The following PDE10A variants were observed in gnomAD, a reference collection of about 807,000 sequenced individuals.
The protein encoded by PDE10A is cAMP and cAMP-inhibited cGMP 3',5'-cyclic phosphodiesterase 10A.
A neutral mutation model predicts 97.7 loss-of-function variants in PDE10A; 39 were observed. That is an observed-to-expected ratio of 0.40 (90% CI 0.31 to 0.52). PDE10A has a LOEUF of 0.52. PDE10A is among the 20% of genes least tolerant of loss of function. The pLI is 0.56. For synonymous variants in PDE10A, 371 were observed against 376.8 expected (o/e 0.98, Z 0.18); for missense variants, 731 against 1,047.8 (o/e 0.70, Z 4.17).
At chr6:165,961,165 C>CT (rs1374395649) in intron 1 of PDE10A, among the ~76,000 whole-genome samples, 3 of 152,092 alleles carry the variant, frequency 2.0e-5, no homozygotes, top group Non-Finnish European at 4.4e-5. Flanking sequence ...TTGCTGAGAG[C>CT]CCTAAAGCTT....
intron 1 of PDE10A, among the ~76,000 whole-genome samples, chr6:165,693,579 T>C (rs1426588296): frequency 8.0e-6 from 1 of 125,302 alleles, no homozygotes; most frequent in African/African-American, 2.9e-5. Context: ...TTAAAAAATA[T>C]AAATAGCAGA....
intron 1 of PDE10A, among the ~76,000 whole-genome samples, chr6:165,608,952 T>C (rs1787360142): frequency 6.6e-6 from 1 of 152,186 alleles, no homozygotes; most frequent in Non-Finnish European, 1.5e-5. Flanking sequence ...CACTTTGTGA[T>C]GGGGTTGTTT....
intron 17 of PDE10A, among the ~76,000 whole-genome samples, chr6:165,385,474 A>G (rs9457084): frequency 0.35 from 53,026 of 151,980 alleles, 10,864 homozygotes; most frequent in African/African-American, 0.56. Context: ...GAAGAACAAC[A>G]TAAGGGCAGA....
At chr6:165,352,533 G>T (rs1426606870) in intron 18 of PDE10A, among the ~76,000 whole-genome samples, 3 of 151,696 alleles carry the variant, frequency 2.0e-5, no homozygotes, top group African/African-American at 7.3e-5. Context: ...TCCATTAAAA[G>T]TATAAAACCA....
Position 165,961,281 on chromosome 6 carries a change from T to A in PDE10A, c.-615+26248A>T, listed in dbSNP as rs368587498. 2.0e-5 allele frequency among the ~76,000 whole-genome samples: 3 copies of A among 152,322 alleles called. No individual in the cohort carries two copies. The East Asian group carries it at 5.8e-4, about 29-fold the overall frequency. ...CATAGCATGATGGCCTTGCTTCAAGTCCTCGTGCTGAGATCACAAGCCGGG... is the reference window on the plus strand; with the variant it reads ...CATAGCATGATGGCCTTGCTTCAAGACCTCGTGCTGAGATCACAAGCCGGG... On this transcript the variant is annotated intron_variant, in intron 1 of 19. Transcript: ENST00000366882.
At chr6:165,373,086 G>A (rs575110783) in intron 18 of PDE10A, among the ~76,000 whole-genome samples, 2 of 150,288 alleles carry the variant, frequency 1.3e-5, no homozygotes, top group Admixed American at 1.3e-4. Flanking sequence ...ATTCAAGATG[G>A]ATTAAAGACT....
In PDE10A at chr6:165,962,942, C is replaced by T. The variant is rs117097615; in HGVS notation, c.-615+24587G>A. Among the ~76,000 whole-genome samples, 616 of 152,294 alleles carry T rather than the reference C, an allele frequency of 4.0e-3. 3 individuals carry two copies. Among genetic ancestry groups the T allele is most frequent in the Non-Finnish European group, 7.3e-3 (497 of 68,030 alleles). On this transcript the variant is annotated intron_variant, in intron 1 of 19. Coordinates refer to the PDE10A transcript ENST00000366882. ...TGAACCTAGTTATTTTATGAGTTAA[C>T]GTATGAAGCAAGCATGCATACGTGA...
intron 1 of PDE10A, among the ~76,000 whole-genome samples, chr6:165,544,726 A>G (rs1392014897): frequency 6.6e-6 from 1 of 152,114 alleles, no homozygotes; most frequent in Non-Finnish European, 1.5e-5. Flanking sequence ...GCTGGGAACT[A>G]AAGTCACAAC....
chr6:165,740,619 C>T (rs1397870758), intron 1 of PDE10A, among the ~76,000 whole-genome samples: 1 of 152,128 alleles, frequency 6.6e-6, no homozygotes, highest in Non-Finnish European at 1.5e-5. Context: ...AAGTGTGAGC[C>T]ACCACTCCTG....
chr6:165,841,876 G>GAATA (rs1780271287), intron 1 of PDE10A, among the ~76,000 whole-genome samples: 1 of 152,208 alleles, frequency 6.6e-6, no homozygotes. Flanking sequence ...TCTCAACTAT[G>GAATA]AATATGACGT....
At chr6:165,465,418 C>T (rs1463567670) in intron 3 of PDE10A, among the ~76,000 whole-genome samples, 1 of 152,202 alleles carries the variant, frequency 6.6e-6, no homozygotes, top group Non-Finnish European at 1.5e-5. Flanking sequence ...AGAGAAAAAG[C>T]AGCCACCTTC....
At position 165,388,752 on chromosome 6, in the gene PDE10A, T is replaced by A. The variant is rs220801; in HGVS notation, c.2455-299A>T. On this transcript the variant is annotated intron_variant, in intron 16 of 21. Transcript: ENST00000539869. This position sits in a 1 kb window ranked among gnomAD's most constrained non-coding sequence, Gnocchi z 4.0. Reference sequence around the variant, plus strand: ...TGCAGGAGGTATCAACTTAAAGGTATAAAGCAAATGTTCCAAAAAAGTACA... The same window carrying A: ...TGCAGGAGGTATCAACTTAAAGGTAAAAAGCAAATGTTCCAAAAAAGTACA... Among the ~76,000 whole-genome samples the A allele has an allele frequency of 1.3e-3, 195 of 152,218 alleles. No homozygotes were observed. Among genetic ancestry groups the A allele is most frequent in the Non-Finnish European group, 2.4e-3 (161 of 68,026 alleles).
chr6:165,860,345 C>T (rs942308714), intron 1 of PDE10A, among the ~76,000 whole-genome samples: 2 of 152,094 alleles, frequency 1.3e-5, no homozygotes, highest in African/African-American at 4.8e-5. Flanking sequence ...CCCAGCTACT[C>T]GGGAGGCTGA....
rs570131696 is a variant in PDE10A at position 165,799,949 on chromosome 6, G to A, written c.-615+187580C>T. On this transcript the variant is annotated intron_variant, in intron 1 of 19. Coordinates refer to the PDE10A transcript ENST00000366882. ...TAGTGTGGGCCTGCAGCTCCCCTGG[G>A]ACGTCTGTCAGGCAATTCCTGTTTT... Among the ~76,000 whole-genome samples the A allele has an allele frequency of 9.9e-5, 15 of 152,280 alleles. No homozygotes were observed. The East Asian group carries it at 2.7e-3, about 27-fold the overall frequency.
intron 2 of PDE10A, among the ~76,000 whole-genome samples, chr6:165,512,933 T>G (rs1453148077): frequency 6.6e-6 from 1 of 152,038 alleles, no homozygotes; most frequent in Non-Finnish European, 1.5e-5. Flanking sequence ...TTAAGCATCC[T>G]TTATTGGCCA....
intron 20 of PDE10A, among the ~76,000 whole-genome samples, chr6:165,336,612 G>T (rs774479482): frequency 6.4e-5 from 6 of 93,994 alleles, no homozygotes; most frequent in African/African-American, 2.7e-4. Context: ...AGCTGGGCGC[G>T]GTGGCAGGCG....
intron 13 of PDE10A, among the ~76,000 whole-genome samples, chr6:165,406,436 A>C (rs1316874792): frequency 6.6e-6 from 1 of 152,190 alleles, no homozygotes; most frequent in Admixed American, 6.5e-5. Flanking sequence ...AATTTAATTT[A>C]CATAATTCTC....
intron 1 of PDE10A, among the ~76,000 whole-genome samples, chr6:165,943,199 GA>G (rs1783602874): frequency 1.3e-4 from 6 of 47,874 alleles, no homozygotes; most frequent in African/African-American, 3.3e-4. Context: ...AAGAAAGAAA[GA>G]AAGAAAGAAA....
chr6:165,769,631 G>A (rs1391423835), intron 1 of PDE10A, among the ~76,000 whole-genome samples: 1 of 152,134 alleles, frequency 6.6e-6, no homozygotes, highest in Non-Finnish European at 1.5e-5. Context: ...TTTCTACCCT[G>A]TGAAAATCTT....
Sources: allele counts gnomAD v4.1 joint callset (sites outside exome capture counted in the v4.1 genomes callset), GRCh38; gene constraint gnomAD v4.1.1; non-coding constraint Gnocchi (gnomAD v3.1); transcripts MANE v1.5; gene names NCBI Gene and HGNC (gene_info 2026-07-23, HGNC 2026-07-21).